ZDHHC21: variants seen among roughly 807,000 people sequenced by gnomAD.
The protein encoded by ZDHHC21 is palmitoyltransferase ZDHHC21.
In ZDHHC21, 15 loss-of-function variants were observed where a neutral mutation model predicts 34.6. That is an observed-to-expected ratio of 0.43 (90% confidence interval 0.29 to 0.67). ZDHHC21 has a LOEUF of 0.67. Among genes scored for constraint, ZDHHC21 ranks in the 30% least tolerant of loss-of-function variants. The pLI is 0.14. For synonymous variants in ZDHHC21, 142 were observed against 101.8 expected, an observed-to-expected ratio of 1.40 and a Z score of -2.38; for missense variants, 344 against 327.7, an observed-to-expected ratio of 1.05 and a Z score of -0.38.
At chr9:14,650,698 T>C (rs1831094941) in intron 7 of ZDHHC21, among the ~76,000 whole-genome samples, 1 of 152,030 alleles carries the variant, frequency 6.6e-6, no homozygotes, top group East Asian at 1.9e-4. Context: ...GGCAAATAAT[T>C]CTGTAGGAAC....
chr9:14,657,388 CCATT>C (rs1260535148), intron 7 of ZDHHC21, among the ~76,000 whole-genome samples: 1 of 152,000 alleles, frequency 6.6e-6, no homozygotes, highest in Non-Finnish European at 1.5e-5. Flanking sequence ...AAGAAAATTA[CCATT>C]CAGAGAGGTT....
intron 2 of ZDHHC21, among the ~76,000 whole-genome samples, chr9:14,688,839 G>A (rs543664015): frequency 1.9e-4 from 28 of 144,936 alleles, no homozygotes; most frequent in Non-Finnish European, 3.8e-4. Flanking sequence ...TCCAGCCTGG[G>A]TGACAGAGCG....
chr9:14,599,093 A>G, the ZDHHC21 span, among the ~76,000 whole-genome samples: 1 of 152,208 alleles, frequency 6.6e-6, no homozygotes, highest in African/African-American at 2.4e-5. Flanking sequence ...AGAGATAAAC[A>G]TAAAAAAAGA....
chr9:14,627,983 AC>A (rs1826603251), intron 8 of ZDHHC21, among the ~76,000 whole-genome samples: 1 of 152,218 alleles, frequency 6.6e-6, no homozygotes, highest in African/African-American at 2.4e-5. Flanking sequence ...AATTTGACTA[AC>A]CTGTTTCCCT....
chr9:14,631,484 C>T (rs1251769621), intron 8 of ZDHHC21, among the ~76,000 whole-genome samples: 3 of 152,190 alleles, frequency 2.0e-5, no homozygotes, highest in Non-Finnish European at 4.4e-5. Flanking sequence ...ACTTTCTTAT[C>T]ATTTGTACGT....
At chr9:14,654,591 C>T (rs899667295) in intron 7 of ZDHHC21, among the ~76,000 whole-genome samples, 1 of 151,850 alleles carries the variant, frequency 6.6e-6, no homozygotes, top group Non-Finnish European at 1.5e-5. Context: ...CAAACACAGA[C>T]ATTAAAAACT....
At chr9:14,639,207 G>C (rs147568572) in intron 8 of ZDHHC21, among the ~76,000 whole-genome samples, 1 of 152,010 alleles carries the variant, frequency 6.6e-6, no homozygotes, top group Non-Finnish European at 1.5e-5. Flanking sequence ...GTCATTTGCA[G>C]CAACATGGAT....
intron 2 of ZDHHC21, among the ~76,000 whole-genome samples, chr9:14,681,659 T>G (rs1315030008): frequency 6.6e-6 from 1 of 151,998 alleles, no homozygotes; most frequent in Non-Finnish European, 1.5e-5. Flanking sequence ...GTAGGTTGAC[T>G]GTTAACCCCG....
At chr9:14,649,627 G>A (rs1388699378) in intron 7 of ZDHHC21, among the ~76,000 whole-genome samples, 1 of 151,990 alleles carries the variant, frequency 6.6e-6, no homozygotes, top group African/African-American at 2.4e-5. Context: ...AATATCTAAA[G>A]TGAAACAAAT....
chr9:14,603,464 T>G, the ZDHHC21 span, among the ~76,000 whole-genome samples: 8,390 of 152,128 alleles, frequency 0.055, 761 homozygotes, highest in African/African-American at 0.19. Flanking sequence ...AAATCAGATG[T>G]GAAAAAATGT....
chr9:14,686,672 A>G (rs1276843075), intron 2 of ZDHHC21, among the ~76,000 whole-genome samples: 1 of 152,096 alleles, frequency 6.6e-6, no homozygotes, highest in Non-Finnish European at 1.5e-5. Flanking sequence ...GAGACTAAAC[A>G]CAGAATTACA....
At chr9:14,650,088 G>A (rs1488260904) in intron 7 of ZDHHC21, among the ~76,000 whole-genome samples, 1 of 151,984 alleles carries the variant, frequency 6.6e-6, no homozygotes, top group Admixed American at 6.6e-5. Flanking sequence ...CATATACTCA[G>A]TCAACCTGGT....
chr9:14,681,502 T>C (rs1043275749), intron 2 of ZDHHC21, among the ~76,000 whole-genome samples: 1 of 152,204 alleles, frequency 6.6e-6, no homozygotes, highest in Admixed American at 6.5e-5. Flanking sequence ...GAGTTTGGAT[T>C]TCACCTGGAA....
At chr9:14,664,239 A>G in intron 5 of ZDHHC21, among the ~76,000 whole-genome samples, 1 of 152,166 alleles carries the variant, frequency 6.6e-6, no homozygotes, top group Non-Finnish European at 1.5e-5. Context: ...AGTCAAAGAA[A>G]GGGGTGACGG....
At chr9:14,671,527 A>G (rs563683306) in intron 5 of ZDHHC21, among the ~76,000 whole-genome samples, 1 of 152,222 alleles carries the variant, frequency 6.6e-6, no homozygotes, top group South Asian at 2.1e-4. Flanking sequence ...GAGTGAATAC[A>G]TGACCCTGAT....
intron 8 of ZDHHC21, among the ~76,000 whole-genome samples, chr9:14,620,947 T>C (rs557864211): frequency 6.6e-6 from 1 of 152,170 alleles, no homozygotes; most frequent in Admixed American, 6.6e-5. Context: ...TTAACCTTTC[T>C]CTGCTCCGTT....
chr9:14,680,889 A>C (rs1256424346), intron 2 of ZDHHC21, among the ~76,000 whole-genome samples: 1 of 152,180 alleles, frequency 6.6e-6, no homozygotes, highest in African/African-American at 2.4e-5. Flanking sequence ...GTTGTGTTAC[A>C]AAATGTATTT....
chr9:14,654,917 G>GA (rs1166711091), intron 7 of ZDHHC21, among the ~76,000 whole-genome samples: 14 of 151,772 alleles, frequency 9.2e-5, no homozygotes, highest in African/African-American at 3.4e-4. Context: ...AACTGCAGGA[G>GA]AAAAAATTGA....
chr9:14,679,305 G>C (rs1432702027), intron 3 of ZDHHC21, among the ~76,000 whole-genome samples: 1 of 152,098 alleles, frequency 6.6e-6, no homozygotes, highest in East Asian at 1.9e-4. Flanking sequence ...GCTGAAATTT[G>C]TTAAAATGTT....
Sources: gnomAD v4.1 joint callset for allele counts (sites outside exome capture counted in the v4.1 genomes callset) on GRCh38, gnomAD v4.1.1 for gene constraint, MANE v1.5 for transcripts, NCBI Gene and HGNC (gene_info 2026-07-23, HGNC 2026-07-21) for gene names.